Variants in SPATA16 observed in about 807,000 individuals in gnomAD.
SPATA16 encodes the protein spermatogenesis-associated protein 16.
In SPATA16, 36 loss-of-function variants were observed where a neutral mutation model predicts 63.3. The ratio of observed to expected loss-of-function variants is 0.57; its 90% CI spans 0.44 to 0.75. The LOEUF (loss-of-function observed/expected upper bound fraction) is 0.75. SPATA16 is among the 30% of genes least tolerant of loss of function. The pLI, the probability that SPATA16 is intolerant of heterozygous loss-of-function variation, is 0.00. For missense variants in SPATA16, 646 were observed against 679.3 expected (o/e 0.95, Z 0.54); for synonymous variants, 203 against 216.7 (o/e 0.94, Z 0.56).
chr3:172,969,733 C>T (rs187182754), intron 5 of SPATA16, among the ~76,000 whole-genome samples: 1 of 152,122 alleles, frequency 6.6e-6, no homozygotes, highest in African/African-American at 2.4e-5. Context: ...ACGTCATCTC[C>T]ACCCCTTTGT....
intron 3 of SPATA16, among the ~76,000 whole-genome samples, chr3:173,046,153 G>T (rs906152833): frequency 6.6e-6 from 1 of 151,872 alleles, no homozygotes; most frequent in African/African-American, 2.4e-5. Context: ...ATTACAAATC[G>T]GTCTTTAGAA....
At chr3:173,063,427 G>A (rs1736437683) in intron 2 of SPATA16, among the ~76,000 whole-genome samples, 1 of 152,156 alleles carries the variant, frequency 6.6e-6, no homozygotes, top group East Asian at 1.9e-4. Context: ...GTTTTACAGA[G>A]AGAAAAGGGG....
intron 4 of SPATA16, among the ~76,000 whole-genome samples, chr3:173,017,940 G>A (rs528108994): frequency 6.6e-6 from 1 of 152,262 alleles, no homozygotes; most frequent in South Asian, 2.1e-4. Flanking sequence ...TTCATACTGC[G>A]AGGAAACATG....
chr3:172,995,822 C>G (rs1366842423), intron 4 of SPATA16, among the ~76,000 whole-genome samples: 1 of 152,094 alleles, frequency 6.6e-6, no homozygotes, highest in Non-Finnish European at 1.5e-5. Flanking sequence ...TTAACGTATA[C>G]TCTTTCACCC....
chr3:173,012,841 G>T (rs1040247226), intron 4 of SPATA16, among the ~76,000 whole-genome samples: 3 of 152,106 alleles, frequency 2.0e-5, no homozygotes, highest in Admixed American at 2.0e-4. Context: ...GAAAACCTAG[G>T]ATATACCTAC....
chr3:172,937,637 A>G (rs1384302148), intron 6 of SPATA16, among the ~76,000 whole-genome samples: 2 of 152,210 alleles, frequency 1.3e-5, no homozygotes. Flanking sequence ...GGTGGTCCAC[A>G]TTGAGGGGTG....
At chr3:172,913,380 G>GC in intron 10 of SPATA16, among the ~76,000 whole-genome samples, 1 of 152,068 alleles carries the variant, frequency 6.6e-6, no homozygotes, top group South Asian at 2.1e-4. Context: ...AACCGAGAAC[G>GC]AAGGCGCAGA....
At chr3:173,060,749 T>G (rs1327097024) in intron 2 of SPATA16, among the ~76,000 whole-genome samples, 2 of 152,224 alleles carry the variant, frequency 1.3e-5, no homozygotes, top group African/African-American at 4.8e-5. Flanking sequence ...GTTCTCTGTA[T>G]CATGCTAGGT....
intron 2 of SPATA16, among the ~76,000 whole-genome samples, chr3:173,061,183 A>G (rs1263925554): frequency 6.6e-6 from 1 of 152,116 alleles, no homozygotes; most frequent in African/African-American, 2.4e-5. Context: ...GTCCATTTCC[A>G]CCTTGGACAT....
chr3:173,012,905 A>G (rs1160092081), intron 4 of SPATA16, among the ~76,000 whole-genome samples: 5 of 152,174 alleles, frequency 3.3e-5, no homozygotes, highest in South Asian at 2.1e-4. Flanking sequence ...TCAAAACATA[A>G]TAATTGACAA....
intron 5 of SPATA16, among the ~76,000 whole-genome samples, chr3:172,964,920 A>T (rs192853525): frequency 6.6e-6 from 1 of 152,348 alleles, no homozygotes; most frequent in Non-Finnish European, 1.5e-5. Flanking sequence ...AATTAAAAAG[A>T]TTTGAGGACG....
Position 172,913,547 on chromosome 3 carries a change from CAA to C in SPATA16, c.1587+112_1587+113del, listed in dbSNP as rs989004348. On this transcript the variant is annotated intron_variant, in intron 10 of 10. Coordinates refer to ENST00000351008, the MANE Select transcript of SPATA16 (RefSeq NM_031955.6). The stretch of plus-strand genomic sequence containing the variant: ...GCTGCATTTAATTAAAAAAGGAAAA[CAA>C]AAAAACAAACCAAAGAACTTGGGTT... The C allele has an allele frequency of 5.8e-6, 6 of 1,036,134 alleles. No individual in the cohort carries two copies. In the African/African-American group the frequency reaches 9.6e-5, roughly 17 times the overall value. The allele number at this position is 1,036,134 out of a possible 1,614,324, so 64.2% of individuals were successfully genotyped here. A position where few individuals can be genotyped will look rare whatever the true frequency, so the allele number is the denominator to read the frequency against.
At chr3:173,049,443 A>G (rs1447769190) in intron 2 of SPATA16, among the ~76,000 whole-genome samples, 1 of 152,158 alleles carries the variant, frequency 6.6e-6, no homozygotes, top group Non-Finnish European at 1.5e-5. Context: ...AAAATAAAGC[A>G]CACAATAACC....
At chr3:172,993,573 C>G (rs1734631001) in intron 4 of SPATA16, among the ~76,000 whole-genome samples, 1 of 152,020 alleles carries the variant, frequency 6.6e-6, no homozygotes, top group African/African-American at 2.4e-5. Context: ...CTGAAGTATT[C>G]CAAGCAGAGA....
rs1577093460 is a variant in SPATA16 at position 172,929,893 on chromosome 3, T to G, written c.1082-4401A>C. ...ATAATCTCTACAACTTCTCTTTTCC[T>G]TTTTCTTCACCAGCCTATTATGAGG... is the stretch of plus-strand genomic sequence containing the variant. On this transcript the variant is annotated intron_variant, in intron 6 of 10. Transcript: ENST00000351008. 2.6e-5 allele frequency among the ~76,000 whole-genome samples: 4 copies of G among 152,248 alleles called. No homozygotes were observed. The South Asian group carries it at 8.3e-4, about 32-fold the overall frequency.
chr3:172,981,523 T>C (rs555240672), intron 4 of SPATA16, among the ~76,000 whole-genome samples: 3 of 152,252 alleles, frequency 2.0e-5, no homozygotes, highest in African/African-American at 2.4e-5. Flanking sequence ...AGAATGGCCA[T>C]ACTGTTGCTT....
intron 10 of SPATA16, among the ~76,000 whole-genome samples, chr3:172,894,743 C>T (rs1194691777): frequency 6.6e-6 from 1 of 152,104 alleles, no homozygotes; most frequent in African/African-American, 2.4e-5. Flanking sequence ...ATGGAACTCT[C>T]GTGAATGGCA....
At chr3:173,037,069 TA>T (rs1408197261) in intron 3 of SPATA16, among the ~76,000 whole-genome samples, 2 of 152,086 alleles carry the variant, frequency 1.3e-5, no homozygotes, top group African/African-American at 4.8e-5. Flanking sequence ...TGTTTAAAAA[TA>T]TGGTAAAATC....
intron 4 of SPATA16, among the ~76,000 whole-genome samples, chr3:173,005,430 T>C (rs1734922041): frequency 6.6e-6 from 1 of 152,000 alleles, no homozygotes; most frequent in South Asian, 2.1e-4. Context: ...CCTCTCTGTG[T>C]TCCCTCTTTT....
Sources: allele counts gnomAD v4.1 joint callset (sites outside exome capture counted in the v4.1 genomes callset), GRCh38; gene constraint gnomAD v4.1.1; transcripts MANE v1.5; gene names NCBI Gene and HGNC (gene_info 2026-07-23, HGNC 2026-07-21).